Variants in NAV3 observed in about 807,000 individuals in gnomAD.
The protein encoded by NAV3 is pore membrane and/or filament interacting like protein 1.
NAV3 carries 87 observed loss-of-function variants against 244.7 expected under a neutral mutation model. That is an observed-to-expected ratio of 0.36 (90% CI 0.30 to 0.42). The LOEUF (loss-of-function observed/expected upper bound fraction) is 0.42, where lower values mean the gene tolerates loss of function less well. Ranked by LOEUF, NAV3 falls within the 20% of genes least tolerant of loss-of-function variation. The pLI is 1.00. For missense variants in NAV3, 2,663 were observed against 2,893.3 expected (o/e 0.92, Z 1.83); for synonymous variants, 1,126 against 1,042.2 (o/e 1.08, Z -1.55).
At chr12:77,817,745 T>A (rs370936518) in intron 2 of NAV3, among the ~76,000 whole-genome samples, 64 of 152,320 alleles carry the variant, frequency 4.2e-4, no homozygotes, top group African/African-American at 1.5e-3. Context: ...GCTCGTTATG[T>A]AAGATAGCTC....
rs201444499 is a variant in NAV3 at position 77,900,075 on chromosome 12, AT to A, written c.244-40225del. ...GTGGTCCTCAGTGTCATTGTTCTCA[AT>A]TTTTTTTTTTTTTTTTTTGAGTTGG... On this transcript the variant is annotated intron_variant, in intron 1 of 39. Transcript: ENST00000397909. 9.8e-3 allele frequency among the ~76,000 whole-genome samples: 1,241 copies of A among 127,272 alleles called. 14 individuals carry two copies. Among genetic ancestry groups the A allele is most frequent in the East Asian group, 0.047 (206 of 4,420 alleles). 83.5% of individuals were successfully genotyped at this position (127,272 alleles called of 152,430 possible).
upstream of NAV3, among the ~76,000 whole-genome samples, chr12:77,828,583 C>A (rs12811685): frequency 6.6e-6 from 1 of 151,804 alleles, no homozygotes; most frequent in Non-Finnish European, 1.5e-5. Context: ...CCTTTGTCTC[C>A]TAGGTCTCAA....
At chr12:77,687,966 A>G (rs1874833281) in intron 2 of NAV3, among the ~76,000 whole-genome samples, 1 of 152,094 alleles carries the variant, frequency 6.6e-6, no homozygotes, top group African/African-American at 2.4e-5. Flanking sequence ...AATTGTTAGC[A>G]TTTTGTATAT....
chr12:77,608,526 G>C (rs2136806515), intron 2 of NAV3, among the ~76,000 whole-genome samples: 1 of 152,212 alleles, frequency 6.6e-6, no homozygotes. Flanking sequence ...ATAACAAGAT[G>C]CTAATAAGAG....
chr12:77,732,409 C>T (rs954677499), intron 2 of NAV3, among the ~76,000 whole-genome samples: 1 of 151,980 alleles, frequency 6.6e-6, no homozygotes, highest in African/African-American at 2.4e-5. Flanking sequence ...TTATGAGGTG[C>T]TTCCGTGGGT....
At chr12:77,789,732 C>T (rs1871092344) in intron 2 of NAV3, among the ~76,000 whole-genome samples, 1 of 150,596 alleles carries the variant, frequency 6.6e-6, no homozygotes, top group Non-Finnish European at 1.5e-5. Flanking sequence ...ATCACTTGAA[C>T]CTGGGAGGCG....
chr12:77,791,252 G>A (rs894599362), intron 2 of NAV3, among the ~76,000 whole-genome samples: 2 of 151,574 alleles, frequency 1.3e-5, no homozygotes, highest in Admixed American at 1.3e-4. Context: ...TACTCAGGAG[G>A]CTTAGGTAGA....
chr12:78,209,302 A>G (rs1160484181), intron 39 of NAV3, among the ~76,000 whole-genome samples: 2 of 152,150 alleles, frequency 1.3e-5, no homozygotes, highest in Non-Finnish European at 1.5e-5. Context: ...ATAGCTTAAC[A>G]TATGACCAAG....
chr12:78,182,301 A>G (rs376726067), intron 30 of NAV3, among the ~76,000 whole-genome samples: 1 of 152,028 alleles, frequency 6.6e-6, no homozygotes, highest in South Asian at 2.1e-4. Flanking sequence ...AGTTCTGAAC[A>G]ACATCCTCTA....
At chr12:78,209,547 G>GAA (rs564010938) in intron 39 of NAV3, among the ~76,000 whole-genome samples, 2 of 128,636 alleles carry the variant, frequency 1.6e-5, no homozygotes, top group Non-Finnish European at 1.7e-5. Flanking sequence ...CTTTTTTTCC[G>GAA]AAAAAAAAAA....
chr12:77,611,329 T>A (rs1592502404), intron 2 of NAV3, among the ~76,000 whole-genome samples: 1 of 151,998 alleles, frequency 6.6e-6, no homozygotes, highest in Non-Finnish European at 1.5e-5. Flanking sequence ...AAAAAATTAG[T>A]TGCAAGGCCT....
intron 30 of NAV3, 126 bp from the exon 31 acceptor site, chr12:78,185,475 G>A (rs541997716): frequency 5.7e-5 from 42 of 741,912 alleles, no homozygotes; most frequent in Non-Finnish European, 8.7e-5. Context: ...TTTCAAATCA[G>A]TTAGGCTAGA....
chr12:77,661,626 C>T (rs77169250), intron 2 of NAV3, among the ~76,000 whole-genome samples: 4,015 of 152,062 alleles, frequency 0.026, 184 homozygotes, highest in African/African-American at 0.091. Context: ...TTGCTTAATG[C>T]CAGGCCCCCC....
At chr12:78,037,990 T>G (rs905740408) in intron 9 of NAV3, among the ~76,000 whole-genome samples, 4 of 152,204 alleles carry the variant, frequency 2.6e-5, no homozygotes, top group African/African-American at 9.6e-5. Context: ...GTTCTGCATG[T>G]GCACATTATA....
chr12:77,898,185 T>C (rs1884851042), intron 1 of NAV3, among the ~76,000 whole-genome samples: 1 of 152,248 alleles, frequency 6.6e-6, no homozygotes, highest in African/African-American at 2.4e-5. Context: ...TTATATTATA[T>C]CATGATTTCC....
At position 77,773,049 on chromosome 12, in the gene NAV3, A is replaced by G. The variant is rs762354558; in HGVS notation, c.73-167270A>G. ...CAATTTTTTAATCATCATAAATGAC[A>G]GAAACAGATGGGTGCTCTCATTGAC... is the stretch of plus-strand genomic sequence containing the variant. On this transcript the variant is annotated intron_variant, in intron 2 of 8. Transcript: ENST00000550042. 4.4e-4 allele frequency among the ~76,000 whole-genome samples: 67 copies of G among 152,308 alleles called. No homozygotes were observed. The Middle Eastern group carries it at 0.01, about 23-fold the overall frequency.
rs752247909 is a variant in NAV3 at position 77,998,409 on chromosome 12, G to A, written c.813G>A (p.Arg271=). The part of the protein sequence containing the change: ...SKVQGASNLN[R]RSQSFNSIDK... ...TCCAGGGAGCCTCTAATTTAAATAG[G>A]AGAAGTCAGAGCTTTAACAGCATTG... Residue 271 remains arginine (R), a synonymous_variant, in exon 7 of 40, where the codon AGG becomes AGA. Coordinates refer to ENST00000397909, the MANE Select transcript of NAV3 (RefSeq NM_001024383.2). 2 of 1,612,156 alleles carry A rather than the reference G, an allele frequency of 1.2e-6. No individual in the cohort carries two copies. The highest frequency in any genetic ancestry group is 1.1e-5 in the South Asian group (1 of 90,876).
At chr12:77,944,553 T>C (rs1214320516) in intron 3 of NAV3, among the ~76,000 whole-genome samples, 2 of 152,212 alleles carry the variant, frequency 1.3e-5, no homozygotes, top group East Asian at 3.9e-4. Flanking sequence ...TATTAAAACA[T>C]CAATTTGGAG....
chr12:78,045,224 A>G (rs191693257), intron 9 of NAV3, among the ~76,000 whole-genome samples: 1 of 152,236 alleles, frequency 6.6e-6, no homozygotes, highest in African/African-American at 2.4e-5. Context: ...TATGTGATGG[A>G]TTACATTTAT....
Sources: gnomAD v4.1 joint callset for allele counts (sites outside exome capture counted in the v4.1 genomes callset) on GRCh38, gnomAD v4.1.1 for gene constraint, MANE v1.5 for transcripts, NCBI Gene and HGNC (gene_info 2026-07-23, HGNC 2026-07-21) for gene names.